SSBP4: variants seen among roughly 807,000 people sequenced by gnomAD.
SSBP4 encodes single stranded DNA binding protein 4.
Under a neutral mutation model 64.6 loss-of-function variants are expected in SSBP4, and 33 were observed. The observed-to-expected ratio is 0.51, with a 90% CI of 0.39 to 0.68. SSBP4 has a LOEUF of 0.68. Among genes scored for constraint, SSBP4 ranks in the 30% least tolerant of loss-of-function variants. The probability of loss-of-function intolerance (pLI) is 0.00; values close to 1 mark genes in which losing one functional copy is unlikely to be tolerated. For synonymous variants in SSBP4, 243 were observed against 224.0 expected, an observed-to-expected ratio of 1.08 and a Z score of -0.76; for missense variants, 583 against 566.8, an observed-to-expected ratio of 1.03 and a Z score of -0.29.
In SSBP4 at chr19:18,431,631, C is replaced by T. The variant is rs370391352; in HGVS notation, c.436-16C>T. Reference sequence around the variant, plus strand: ...GAGGGTGGGGGAAGGTGCTGATCCCCGCCCACCTCTTCCAGCCCTTCATGT... The same window carrying T: ...GAGGGTGGGGGAAGGTGCTGATCCCTGCCCACCTCTTCCAGCCCTTCATGT... On this transcript the variant is annotated splice_polypyrimidine_tract_variant and intron_variant, in intron 6 of 17. Coordinates refer to ENST00000270061, the MANE Select transcript of SSBP4 (RefSeq NM_032627.5). 180 of 1,541,076 alleles carry T rather than the reference C, an allele frequency of 1.2e-4. No homozygotes were observed. The highest frequency in any genetic ancestry group is 1.4e-4 in the Non-Finnish European group (158 of 1,140,934).
In SSBP4 at chr19:18,432,562, C is replaced by T. The variant is rs780961240; in HGVS notation, c.708C>T (p.Gly236=). 38 of 1,575,492 alleles carry T rather than the reference C, an allele frequency of 2.4e-5. No homozygotes were observed. The highest frequency in any genetic ancestry group is 3.0e-5 in the Non-Finnish European group (35 of 1,157,096). ...TGTCATCCGCGGTCTCTTCCAGGGG[C>T]CCAGGAGTTCGTGGCCCGTGGGCCA... ...AGPGLPAMNM[G]PGVRGPWASP... The change falls in exon 11 of 18, where the codon GGC becomes GGT. Residue 236 remains glycine (G), a synonymous_variant. Transcript: ENST00000270061.
chr19:18,431,365 T>A lies in SSBP4; in HGVS notation c.382T>A (p.Ser128Thr). The change falls in exon 6 of 18, where the codon TCC becomes ACC. Residue 128 changes from serine to threonine, a missense_variant. This residue lies in a region of SSBP4 where 444 missense variants were observed against 386.6 expected (regional missense o/e 1.15). Transcript: ENST00000270061. ...TCTGTCCTCCTAGGGCCCCCCCGGC[T>A]CCCAGCCGTCCCCCCACAACCCCAA... ...AAGFFQGPPG[S>T]QPSPHNPNAP... The A allele has an allele frequency of 1.3e-6, 1 of 773,534 alleles. No individual in the cohort carries two copies. Among genetic ancestry groups the A allele is most frequent in the East Asian group, 5.1e-5 (1 of 19,496 alleles). The allele number at this position is 773,534 out of a possible 1,614,324, so 47.9% of individuals were successfully genotyped here.
the SSBP4 span, among the ~76,000 whole-genome samples, chr19:18,409,724 T>C: frequency 6.6e-6 from 1 of 152,152 alleles, no homozygotes; most frequent in Non-Finnish European, 1.5e-5. Context: ...CTCACTGTGT[T>C]GCCCAGGCTG....
intron 15 of SSBP4, 57 bp from the exon 16 acceptor site, chr19:18,433,528 C>T (rs759162518): frequency 6.5e-7 from 1 of 1,543,610 alleles, no homozygotes; most frequent in Non-Finnish European, 8.7e-7. Context: ...CCCTGGAGGC[C>T]GAGGGGCATG....
chr19:18,404,065 G>T, the SSBP4 span, among the ~76,000 whole-genome samples: 1 of 152,028 alleles, frequency 6.6e-6, no homozygotes, highest in Non-Finnish European at 1.5e-5. Flanking sequence ...TATACTCAGA[G>T]ATGCCAAGAG....
Position 18,419,634 on chromosome 19 carries a change from G to T in SSBP4, c.-15G>T. The T allele has an allele frequency of 7.9e-7, 1 of 1,263,910 alleles. No homozygotes were observed. The allele number at this position is 1,263,910 out of a possible 1,614,324, so 78.3% of individuals were successfully genotyped here. Reference sequence around the variant, plus strand: ...CTGACAGGTGTGGGCCCCGGCGGCGGCGGCGTGGAGCAGCATGTACGCCAA... The same window carrying T: ...CTGACAGGTGTGGGCCCCGGCGGCGTCGGCGTGGAGCAGCATGTACGCCAA... On this transcript the variant is annotated 5_prime_UTR_variant, in exon 1 of 18. Transcript: ENST00000270061.
chr19:18,417,813 C>T (rs1015632777), upstream of SSBP4, among the ~76,000 whole-genome samples: 1 of 152,120 alleles, frequency 6.6e-6, no homozygotes, highest in Non-Finnish European at 1.5e-5. The surrounding 1 kb of genome is among the most constrained non-coding windows in gnomAD (Gnocchi z 5.4). Flanking sequence ...CTGCCCTTCC[C>T]TTCCTCTCCG....
the SSBP4 span, among the ~76,000 whole-genome samples, chr19:18,412,839 T>G: frequency 6.6e-6 from 1 of 152,164 alleles, no homozygotes; most frequent in East Asian, 1.9e-4. Flanking sequence ...GCGAGAGCAC[T>G]GAAGCAGAGC....
rs530489956 is a variant in SSBP4 at position 18,432,044 on chromosome 19, C to T, written c.610C>T (p.Arg204Cys). Residue 204 changes from arginine to cysteine, a missense_variant, in exon 9 of 18, where the codon CGT becomes TGT. Transcript: ENST00000270061. Reference protein sequence around the residue: ...GGPMQRVTPPRGMASVGPQSY... With the variant: ...GGPMQRVTPPCGMASVGPQSY... The stretch of plus-strand genomic sequence containing the variant: ...CCCAATGCAGAGGGTGACGCCTCCT[C>T]GTGGCATGGCCAGCGTGGGGCCCCA... The T allele has an allele frequency of 2.0e-5, 32 of 1,585,270 alleles. No individual in the cohort carries two copies. Among genetic ancestry groups the T allele is most frequent in the East Asian group, 2.3e-5 (1 of 44,388 alleles).
chr19:18,422,978 C>G (rs901459850), intron 1 of SSBP4, among the ~76,000 whole-genome samples: 1 of 152,236 alleles, frequency 6.6e-6, no homozygotes, highest in African/African-American at 2.4e-5. Flanking sequence ...CCGGCTTACA[C>G]TAGGTCTCGG....
At chr19:18,402,954 C>T in the SSBP4 span, among the ~76,000 whole-genome samples, 3 of 152,142 alleles carry the variant, frequency 2.0e-5, no homozygotes, top group African/African-American at 7.2e-5. Flanking sequence ...AAGAGGAAGG[C>T]CTCTGTCTCC....
intron 15 of SSBP4, 122 bp downstream of exon 15, chr19:18,433,335 G>A: frequency 1.2e-5 from 17 of 1,361,362 alleles, no homozygotes; most frequent in East Asian, 2.5e-5. Flanking sequence ...TGAGCCCCCC[G>A]GGGGCCGCTC....
chr19:18,432,492 G>C, intron 10 of SSBP4, 67 bp from the exon 11 acceptor site: 4 of 1,515,010 alleles, frequency 2.6e-6, no homozygotes, highest in Admixed American at 2.1e-5. Flanking sequence ...GGGTGTGGGG[G>C]GTGTGTGGTG....
upstream of SSBP4, chr19:18,418,926 G>T (rs946123751): frequency 7.2e-6 from 7 of 976,934 alleles, no homozygotes; most frequent in Middle Eastern, 1.0e-3. The surrounding 1 kb of genome is among the most constrained non-coding windows in gnomAD (Gnocchi z 6.7). Flanking sequence ...GGCAGTGTAT[G>T]TGTGTCGCTG....
At chr19:18,411,831 C>A in the SSBP4 span, among the ~76,000 whole-genome samples, 1 of 152,098 alleles carries the variant, frequency 6.6e-6, no homozygotes, top group South Asian at 2.1e-4. Flanking sequence ...GAGGGATGGA[C>A]CTTAGGGTAC....
At chr19:18,411,935 G>A in the SSBP4 span, among the ~76,000 whole-genome samples, 3 of 151,886 alleles carry the variant, frequency 2.0e-5, no homozygotes, top group Non-Finnish European at 1.5e-5. Context: ...AGGCTGAGGC[G>A]AGAGGATCGC....
At chr19:18,410,149 A>T in the SSBP4 span, among the ~76,000 whole-genome samples, 2 of 151,538 alleles carry the variant, frequency 1.3e-5, no homozygotes, top group African/African-American at 4.9e-5. Context: ...GCCCGCCACC[A>T]CGCCCGGCTA....
chr19:18,428,772 C>T (rs1973063916), intron 4 of SSBP4, among the ~76,000 whole-genome samples: 1 of 152,168 alleles, frequency 6.6e-6, no homozygotes, highest in African/African-American at 2.4e-5. Flanking sequence ...TCTGAAGATG[C>T]CTCCAGCACT....
At chr19:18,412,516 G>A in the SSBP4 span, among the ~76,000 whole-genome samples, 3 of 151,658 alleles carry the variant, frequency 2.0e-5, no homozygotes, top group African/African-American at 7.3e-5. Flanking sequence ...AGACAGACGA[G>A]GTGAGGAATG....
Sources: gnomAD v4.1 joint callset for allele counts (sites outside exome capture counted in the v4.1 genomes callset) on GRCh38, gnomAD v4.1.1 for gene constraint, gnomAD v4.1.1 regional missense constraint, Gnocchi (gnomAD v3.1) non-coding constraint, MANE v1.5 for transcripts, NCBI Gene and HGNC (gene_info 2026-07-23, HGNC 2026-07-21) for gene names.